Variants in TAF4 observed in about 807,000 individuals in gnomAD.
TAF4 encodes TATA-box binding protein associated factor 4.
A neutral mutation model predicts 90.3 loss-of-function variants in TAF4; 9 were observed. That is an observed-to-expected ratio of 0.10 (90% CI 0.06 to 0.17). The LOEUF is 0.17. Ranked by LOEUF, TAF4 falls within the 10% of genes least tolerant of loss-of-function variation. TAF4 has a pLI of 1.00. For synonymous variants in TAF4, 818 were observed against 638.9 expected, an observed-to-expected ratio of 1.28 and a Z score of -4.23; for missense variants, 1,351 against 1,370.7, an observed-to-expected ratio of 0.99 and a Z score of 0.23.
chr20:62,043,079 C>T (rs2055973226), intron 1 of TAF4, among the ~76,000 whole-genome samples: 1 of 152,228 alleles, frequency 6.6e-6, no homozygotes, highest in Admixed American at 6.5e-5. Context: ...CCCAGCATTT[C>T]TGGAGGCTAA....
chr20:62,050,063 G>C (rs1035772826), intron 1 of TAF4, among the ~76,000 whole-genome samples: 1 of 152,166 alleles, frequency 6.6e-6, no homozygotes, highest in Non-Finnish European at 1.5e-5. Flanking sequence ...CGCTGGAGTT[G>C]TAAGTACTCA....
In TAF4 at chr20:62,056,686, AT is replaced by A. The variant is rs1207150015; in HGVS notation, c.1360+7764del. On this transcript the variant is annotated intron_variant, in intron 1 of 14. Coordinates refer to ENST00000252996, the MANE Select transcript of TAF4 (RefSeq NM_003185.4). The stretch of plus-strand genomic sequence containing the variant: ...ATTACAGAAAAACACAGAAGCAGAT[AT>A]GCAGCAGACACAGGCTGAAGTGAGA... Among the ~76,000 whole-genome samples, 6 of 152,326 alleles carry A rather than the reference AT, an allele frequency of 3.9e-5. No homozygotes were observed. In the East Asian group the frequency reaches 1.2e-3, roughly 29 times the overall value.
chr20:62,049,515 G>C lies in TAF4; in HGVS notation c.1360+14936C>G, dbSNP rs891523794. Among the ~76,000 whole-genome samples the C allele has an allele frequency of 5.3e-5, 8 of 152,232 alleles. 2 individuals carry two copies. The highest frequency in any genetic ancestry group is 3.3e-4 in the Admixed American group (5 of 15,310). On this transcript the variant is annotated intron_variant, in intron 1 of 14. Transcript: ENST00000252996. ...TGGCTCTTCCACTCCACAGCCTTCA[G>C]GGGTCCCCACTGCCTGCAGAGGAAG...
intron 5 of TAF4, 57 bp from the exon 6 acceptor site, chr20:62,007,693 G>A: frequency 2.0e-6 from 3 of 1,482,864 alleles, no homozygotes; most frequent in Non-Finnish European, 2.8e-6. Context: ...ACACACTTCT[G>A]AATCCCGCAT....
At chr20:62,023,171 G>A (rs57424976) in intron 1 of TAF4, among the ~76,000 whole-genome samples, 9,371 of 152,334 alleles carry the variant, frequency 0.062, 599 homozygotes, top group African/African-American at 0.17. Flanking sequence ...GCTGGCCGCA[G>A]TGGCTCACGC....
intron 14 of TAF4, chr20:61,979,137 CCT>C (rs1186124400): frequency 7.4e-6 from 1 of 135,830 alleles, no homozygotes; most frequent in Non-Finnish European, 1.6e-5. Flanking sequence ...GGAACCTCCC[CCT>C]CTCTTCTCAG....
chr20:62,064,015 G>A (rs577746483), intron 1 of TAF4, among the ~76,000 whole-genome samples: 1 of 152,350 alleles, frequency 6.6e-6, no homozygotes, highest in Non-Finnish European at 1.5e-5. Context: ...CTGCAGAACT[G>A]AGCAGGGGAC....
chr20:61,983,813 A>T (rs2055565172), intron 14 of TAF4, among the ~76,000 whole-genome samples: 1 of 152,206 alleles, frequency 6.6e-6, no homozygotes, highest in South Asian at 2.1e-4. Flanking sequence ...ACCAAACCAT[A>T]TGCTACAGAG....
At chr20:62,023,009 T>C (rs2055852321) in intron 1 of TAF4, among the ~76,000 whole-genome samples, 1 of 152,174 alleles carries the variant, frequency 6.6e-6, no homozygotes, top group African/African-American at 2.4e-5. Flanking sequence ...TCACAATAGT[T>C]AAGATGTCAA....
chr20:62,029,063 G>T (rs1417501200), intron 1 of TAF4, among the ~76,000 whole-genome samples: 1 of 152,070 alleles, frequency 6.6e-6, no homozygotes, highest in Non-Finnish European at 1.5e-5. Context: ...GGGCACGGTG[G>T]TGGGCGCCTG....
intron 1 of TAF4, among the ~76,000 whole-genome samples, chr20:62,021,848 G>GA (rs971456178): frequency 6.0e-5 from 9 of 151,254 alleles, no homozygotes; most frequent in South Asian, 4.2e-4. Context: ...TTTAAAAAAA[G>GA]AAAAAAAAAG....
intron 1 of TAF4, among the ~76,000 whole-genome samples, chr20:62,019,415 T>C (rs748786115): frequency 7.0e-4 from 107 of 152,244 alleles, no homozygotes; most frequent in African/African-American, 1.2e-3. Flanking sequence ...TTCATCCAAA[T>C]TGTGTTTATA....
At chr20:62,015,555 G>A (rs1054769544) in intron 1 of TAF4, among the ~76,000 whole-genome samples, 2 of 152,186 alleles carry the variant, frequency 1.3e-5, no homozygotes, top group Non-Finnish European at 2.9e-5. Flanking sequence ...CAGCACCAAG[G>A]AGCTGAGAAA....
intron 1 of TAF4, among the ~76,000 whole-genome samples, chr20:62,025,516 G>T (rs2055869738): frequency 6.6e-6 from 1 of 152,026 alleles, no homozygotes; most frequent in Non-Finnish European, 1.5e-5. Context: ...TGGATCATGG[G>T]GACAGCTTCC....
chr20:62,063,722 G>A (rs2056103457), intron 1 of TAF4, among the ~76,000 whole-genome samples: 1 of 152,186 alleles, frequency 6.6e-6, no homozygotes, highest in Non-Finnish European at 1.5e-5. Context: ...CTTCCTTTAG[G>A]CACCAACGCA....
intron 1 of TAF4, among the ~76,000 whole-genome samples, chr20:62,030,556 C>T (rs535223313): frequency 1.3e-5 from 2 of 152,350 alleles, no homozygotes; most frequent in African/African-American, 4.8e-5. Context: ...AGCACATTTT[C>T]AATTAGCCCT....
rs1478387558 is a variant in TAF4 at position 62,064,731 on chromosome 20, G to A, written c.1080C>T (p.Thr360=). 6.6e-6 allele frequency: 8 copies of A among 1,205,038 alleles called. No homozygotes were observed. Among genetic ancestry groups the A allele is most frequent in the Middle Eastern group, 3.4e-4 (1 of 2,958 alleles). 74.6% of individuals were successfully genotyped at this position (1,205,038 alleles called of 1,614,324 possible). A position where few individuals can be genotyped will look rare whatever the true frequency, so the allele number is the denominator to read the frequency against. Residue 360 remains threonine (T), a synonymous_variant, in exon 1 of 15, where the codon ACC becomes ACT. Transcript: ENST00000252996. ...VVQAAPPAAQ[T]LAASGPASTA... ...TGCTGGCCGGGCCGCTGGCCGCCAG[G>A]GTCTGCGCCGCCGGGGGCGCCGCCT... is the stretch of plus-strand genomic sequence containing the variant.
intron 1 of TAF4, among the ~76,000 whole-genome samples, chr20:62,046,297 T>C: frequency 6.6e-6 from 1 of 152,256 alleles, no homozygotes; most frequent in Non-Finnish European, 1.5e-5. Context: ...GGCAAATGTA[T>C]ACAGTTGTGT....
chr20:62,065,177 C>G lies in TAF4; in HGVS notation c.634G>C (p.Ala212Pro), dbSNP rs1174601124. ...TTGTTGACCAGGCTGACAGCAGGTG[C>G]GGCGGCGTGGTGCGAGTTCAGCAGC... ...AALLNSHHAA[A>P]PAVSLVNNGP... The change falls in exon 1 of 15, where the codon GCA becomes CCA. Residue 212 changes from alanine (A) to proline (P), a missense_variant. Coordinates refer to ENST00000252996, the MANE Select transcript of TAF4 (RefSeq NM_003185.4). 1 of 1,211,174 alleles carries G rather than the reference C, an allele frequency of 8.3e-7. No individual in the cohort carries two copies. The highest frequency in any genetic ancestry group is 1.1e-6 in the Non-Finnish European group (1 of 949,502). 75.0% of individuals were successfully genotyped at this position (1,211,174 alleles called of 1,614,324 possible).
Sources: gnomAD v4.1 joint callset for allele counts (sites outside exome capture counted in the v4.1 genomes callset) on GRCh38, gnomAD v4.1.1 for gene constraint, MANE v1.5 for transcripts, NCBI Gene and HGNC (gene_info 2026-07-23, HGNC 2026-07-21) for gene names.